RAD54L2: variants seen among roughly 807,000 people sequenced by gnomAD.
RAD54L2 encodes the protein RAD54 like 2.
A neutral mutation model predicts 138.4 loss-of-function variants in RAD54L2; 27 were observed. The observed-to-expected ratio is 0.20, with a 90% CI of 0.14 to 0.27. RAD54L2 has a LOEUF of 0.27. Among genes scored for constraint, RAD54L2 ranks in the 10% least tolerant of loss-of-function variants. The pLI, the probability that RAD54L2 is intolerant of heterozygous loss-of-function variation, is 1.00. For missense variants in RAD54L2, 1,396 were observed against 1,890.2 expected (o/e 0.74, Z 4.85); for synonymous variants, 644 against 723.2 (o/e 0.89, Z 1.76).
intron 3 of RAD54L2, among the ~76,000 whole-genome samples, chr3:51,601,202 G>A (rs1700072249): frequency 6.6e-6 from 1 of 151,980 alleles, no homozygotes; most frequent in Admixed American, 6.6e-5. Flanking sequence ...TTAGTAGAAA[G>A]GAGGTTTCAC....
chr3:51,589,683 TACACACACACAC>T (rs34544597), intron 2 of RAD54L2, among the ~76,000 whole-genome samples: 2 of 144,774 alleles, frequency 1.4e-5, no homozygotes, highest in Non-Finnish European at 1.5e-5. Context: ...TATATATATA[TACACACACACAC>T]ACACACACAC....
Position 51,646,422 on chromosome 3 carries a change from G to C in RAD54L2, c.2967G>C (p.Gln989His). Residue 989 changes from glutamine to histidine, a missense_variant, in exon 19 of 23, where the codon CAG (glutamine) becomes CAC (histidine). Coordinates refer to ENST00000684192, the MANE Select transcript of RAD54L2 (RefSeq NM_015106.4). ...CCTATACCCGCCCATCGTATGCGCA[G>C]TATTACCCTGCCAGCGATCAGAGCC... ...SVPYTRPSYA[Q>H]YYPASDQSLT... The C allele has an allele frequency of 6.2e-7, 1 of 1,613,858 alleles. No individual in the cohort carries two copies. The highest frequency in any genetic ancestry group is 2.2e-5 in the East Asian group (1 of 44,876).
intron 19 of RAD54L2, among the ~76,000 whole-genome samples, chr3:51,654,116 C>T (rs1033943751): frequency 4.0e-5 from 6 of 150,902 alleles, no homozygotes; most frequent in African/African-American, 1.5e-4. Context: ...GGTGTGATCT[C>T]GGCTCACTGC....
intron 2 of RAD54L2, among the ~76,000 whole-genome samples, chr3:51,557,211 A>G (rs1304315733): frequency 3.3e-5 from 4 of 122,682 alleles, no homozygotes; most frequent in African/African-American, 1.3e-4. Context: ...TTTTTTTGAG[A>G]CAGGGTCTCA....
intron 3 of RAD54L2, among the ~76,000 whole-genome samples, chr3:51,605,030 T>C (rs1473533117): frequency 6.6e-6 from 1 of 151,596 alleles, no homozygotes; most frequent in Non-Finnish European, 1.5e-5. Context: ...CAAGTGATTC[T>C]TCCTGCCTCA....
chr3:51,630,349 A>G lies in RAD54L2; in HGVS notation c.559A>G (p.Ser187Gly). 1.2e-6 allele frequency: 2 copies of G among 1,614,018 alleles called. No individual in the cohort carries two copies. Among genetic ancestry groups the G allele is most frequent in the Non-Finnish European group, 1.7e-6 (2 of 1,179,866 alleles). Residue 187 changes from serine to glycine, a missense_variant, in exon 6 of 23, where the codon AGT becomes GGT. Physicochemically the swap from Ser to Gly is moderately conservative, Grantham distance 56. This residue lies in a region of RAD54L2 where 256 missense variants were observed against 344.6 expected (regional missense o/e 0.74). Transcript: ENST00000684192. ...GGCCCAGGAAGTCATTTGTTTGGAC[A>G]GTAGCAGTGGCAGTGAGGATGAAAA... ...VLAQEVICLD[S>G]SSGSEDEKSS...
At chr3:51,550,156 G>A (rs1698801727) in intron 2 of RAD54L2, among the ~76,000 whole-genome samples, 3 of 152,088 alleles carry the variant, frequency 2.0e-5, no homozygotes, top group Admixed American at 2.0e-4. Context: ...TGAGCTGATC[G>A]CTCTCTGCCC....
chr3:51,641,666 A>G, intron 14 of RAD54L2, 83 bp from the exon 15 acceptor site: 2 of 888,938 alleles, frequency 2.2e-6, no homozygotes, highest in Non-Finnish European at 3.5e-6. Context: ...CATTGTCAGA[A>G]AGTTGCACAA....
At chr3:51,553,430 T>A (rs756188030) in intron 2 of RAD54L2, among the ~76,000 whole-genome samples, 1 of 152,238 alleles carries the variant, frequency 6.6e-6, no homozygotes, top group Non-Finnish European at 1.5e-5. Context: ...TATACAGGCA[T>A]GCTTTGGAGA....
In RAD54L2 at chr3:51,579,220, C is replaced by T. The variant is rs146698201; in HGVS notation, c.-54-11147C>T. Among the ~76,000 whole-genome samples, 556 of 148,728 alleles carry T rather than the reference C, an allele frequency of 3.7e-3. 6 individuals carry two copies. The highest frequency in any genetic ancestry group is 0.013 in the African/African-American group (522 of 40,108). ...CGGTGTCGCCCAGACTGCAGTGCAG[C>T]GGTGCAGTCTTGGCTCACTGCAAGC... On this transcript the variant is annotated intron_variant, in intron 2 of 22. Transcript: ENST00000684192.
intron 2 of RAD54L2, among the ~76,000 whole-genome samples, chr3:51,549,777 CAAAAA>C (rs5848927): frequency 4.8e-5 from 3 of 63,062 alleles, no homozygotes; most frequent in Non-Finnish European, 6.8e-5. Context: ...GTCTCCATCT[CAAAAA>C]AAAAAAAAAA....
chr3:51,543,297 G>T (rs1352368856), intron 2 of RAD54L2, among the ~76,000 whole-genome samples: 1 of 152,064 alleles, frequency 6.6e-6, no homozygotes, highest in African/African-American at 2.4e-5. Flanking sequence ...CCATTCTGCT[G>T]GTCTTTAATT....
intron 3 of RAD54L2, among the ~76,000 whole-genome samples, chr3:51,607,771 G>T (rs1044637739): frequency 8.1e-5 from 12 of 148,782 alleles, no homozygotes; most frequent in African/African-American, 3.0e-4. Context: ...GGGCAGAGGG[G>T]CCCCCCACCT....
At chr3:51,539,847 G>A (rs1324910525) in intron 1 of RAD54L2, among the ~76,000 whole-genome samples, 3 of 152,168 alleles carry the variant, frequency 2.0e-5, no homozygotes, top group Admixed American at 2.0e-4. Flanking sequence ...TGAACATTGA[G>A]GTGGATGCAA....
intron 19 of RAD54L2, among the ~76,000 whole-genome samples, chr3:51,650,821 ACAAGAGAAAG>A (rs1387071829): frequency 6.6e-6 from 1 of 152,254 alleles, no homozygotes; most frequent in Non-Finnish European, 1.5e-5. Flanking sequence ...CTAAATGCCC[ACAAGAGAAAG>A]CAGGAAATAT....
rs1169939947 is a variant in RAD54L2 at position 51,666,174 on chromosome 3, C to CTTTTTTTTTT, written c.*2780_*2789dup. 9 of 58,708 alleles carry CTTTTTTTTTT rather than the reference C, an allele frequency of 1.5e-4. 2 individuals are homozygous for CTTTTTTTTTT. Among genetic ancestry groups the CTTTTTTTTTT allele is most frequent in the East Asian group, 5.5e-4 (1 of 1,832 alleles). The allele number at this position is 58,708 out of a possible 1,614,324, so 3.6% of individuals were successfully genotyped here. A position where few individuals can be genotyped will look rare whatever the true frequency, so the allele number is the denominator to read the frequency against. On this transcript the variant is annotated 3_prime_UTR_variant, in exon 23 of 23. Transcript: ENST00000684192. ...AGTGCTACCAGGTCCATGGTTTTTG[C>CTTTTTTTTTT]TTTTTTTTTTTTTTTTTTTTTTTTT...
intron 2 of RAD54L2, among the ~76,000 whole-genome samples, chr3:51,552,712 A>G (rs1698869538): frequency 6.6e-6 from 1 of 151,538 alleles, no homozygotes; most frequent in South Asian, 2.1e-4. Flanking sequence ...AGCTGGGATT[A>G]CAGGCGCTTA....
intron 9 of RAD54L2, among the ~76,000 whole-genome samples, chr3:51,635,326 A>G (rs541476930): frequency 6.6e-6 from 1 of 152,268 alleles, no homozygotes; most frequent in East Asian, 1.9e-4. Flanking sequence ...TGCCTTATGT[A>G]GTTGAATTGC....
intron 2 of RAD54L2, among the ~76,000 whole-genome samples, chr3:51,546,294 G>A (rs1553672252): frequency 6.6e-6 from 1 of 151,998 alleles, no homozygotes; most frequent in African/African-American, 2.4e-5. Context: ...AAAAATAAAA[G>A]CATGAAAAGT....
Sources: gnomAD v4.1 joint callset for allele counts (sites outside exome capture counted in the v4.1 genomes callset) on GRCh38, gnomAD v4.1.1 for gene constraint, gnomAD v4.1.1 regional missense constraint, MANE v1.5 for transcripts, NCBI Gene and HGNC (gene_info 2026-07-23, HGNC 2026-07-21) for gene names.